The following PARP11 variants were observed in gnomAD, a reference collection of about 807,000 sequenced individuals.
PARP11 encodes the protein protein mono-ADP-ribosyltransferase PARP11.
In PARP11, 31 loss-of-function variants were observed where a neutral mutation model predicts 42.9. The observed-to-expected ratio is 0.72, with a 90% CI of 0.54 to 0.98. The LOEUF (loss-of-function observed/expected upper bound fraction) is 0.98. Among genes scored for constraint, PARP11 ranks in the 50% least tolerant of loss-of-function variants. The probability of loss-of-function intolerance (pLI) is 0.00; values close to 1 mark genes in which losing one functional copy is unlikely to be tolerated. For missense variants in PARP11, 365 were observed against 413.1 expected (o/e 0.88, Z 1.01); for synonymous variants, 137 against 127.3 (o/e 1.08, Z -0.51).
intron 7 of PARP11, among the ~76,000 whole-genome samples, chr12:3,812,881 C>T (rs1947212756): frequency 1.3e-5 from 2 of 152,188 alleles, no homozygotes; most frequent in Non-Finnish European, 1.5e-5. Flanking sequence ...CAGCTCACTG[C>T]AACCTCCGCC....
intron 1 of PARP11, chr12:3,872,814 C>T (rs1328683548): frequency 1.0e-6 from 1 of 985,136 alleles, no homozygotes; most frequent in Admixed American, 6.2e-5. Flanking sequence ...ACAGTGAAGG[C>T]AGTCGGGAGG....
At chr12:3,813,832 T>C (rs1947230015) in intron 7 of PARP11, among the ~76,000 whole-genome samples, 1 of 152,252 alleles carries the variant, frequency 6.6e-6, no homozygotes, top group Non-Finnish European at 1.5e-5. Flanking sequence ...TATTGCTCAC[T>C]AATATTCTTA....
At chr12:3,842,101 C>G in intron 1 of PARP11, 1 of 1,609,794 alleles carries the variant, frequency 6.2e-7, no homozygotes, top group Non-Finnish European at 8.5e-7. Flanking sequence ...GAAATTGTGC[C>G]TGTTGAACTT....
chr12:3,846,923 C>G (rs1486177465), intron 1 of PARP11, among the ~76,000 whole-genome samples: 1 of 151,716 alleles, frequency 6.6e-6, no homozygotes, highest in East Asian at 1.9e-4. Flanking sequence ...TGTCTCTGCA[C>G]AAAATTTAAA....
intron 1 of PARP11, among the ~76,000 whole-genome samples, chr12:3,836,353 T>A (rs1294301010): frequency 2.0e-5 from 3 of 151,518 alleles, no homozygotes; most frequent in Admixed American, 1.3e-4. Flanking sequence ...AAAGCGCCTA[T>A]CAACCAAGAA....
chr12:3,873,065 C>G, intron 1 of PARP11, 147 bp downstream of exon 1: 1 of 806,256 alleles, frequency 1.2e-6, no homozygotes, highest in Non-Finnish European at 2.1e-6. Flanking sequence ...GTACAGACTA[C>G]AGAAGCCAAA....
intron 6 of PARP11, among the ~76,000 whole-genome samples, chr12:3,819,196 G>A (rs758839073): frequency 7.9e-5 from 12 of 152,186 alleles, no homozygotes; most frequent in African/African-American, 2.4e-4. Flanking sequence ...TCACTCCATC[G>A]CATACAATAA....
chr12:3,827,512 T>A (rs1355810648), intron 3 of PARP11, among the ~76,000 whole-genome samples: 1 of 152,024 alleles, frequency 6.6e-6, no homozygotes, highest in Non-Finnish European at 1.5e-5. Flanking sequence ...CTTGTACACA[T>A]GACTAAAAAT....
At chr12:3,849,941 A>G (rs1375978197) in intron 1 of PARP11, among the ~76,000 whole-genome samples, 2 of 152,174 alleles carry the variant, frequency 1.3e-5, no homozygotes, top group African/African-American at 2.4e-5. Flanking sequence ...GAAAATATGT[A>G]TATCGATTAT....
At chr12:3,829,761 T>C in intron 2 of PARP11, 129 bp downstream of exon 2, 1 of 935,584 alleles carries the variant, frequency 1.1e-6, no homozygotes, top group Non-Finnish European at 1.6e-6. Context: ...AACTTTTCTT[T>C]TAGTTAAACA....
intron 1 of PARP11, 29 bp downstream of exon 1, chr12:3,873,183 G>C (rs1172446326): frequency 6.5e-7 from 1 of 1,532,920 alleles, no homozygotes; most frequent in Non-Finnish European, 8.8e-7. Flanking sequence ...CCGCCCCCTG[G>C]GCCCGCCCCG....
intron 1 of PARP11, among the ~76,000 whole-genome samples, chr12:3,834,141 C>T (rs1369868026): frequency 6.6e-6 from 1 of 152,170 alleles, no homozygotes; most frequent in Non-Finnish European, 1.5e-5. Flanking sequence ...GGGCTGCTAC[C>T]AGCACTCCAC....
Position 3,852,240 on chromosome 12 carries a change from C to T in PARP11, c.18+20972G>A, listed in dbSNP as rs376105042. 5.9e-5 allele frequency among the ~76,000 whole-genome samples: 9 copies of T among 152,322 alleles called. No homozygotes were observed. The South Asian group carries it at 8.3e-4, about 14-fold the overall frequency. ...GAGCACCTCTTCTCCTCCAAAGGAA[C>T]GCAGCTCCTTGCAAGCAACGGAACA... On this transcript the variant is annotated intron_variant, in intron 1 of 7. Transcript: ENST00000228820.
At chr12:3,813,972 T>C in intron 7 of PARP11, 65 bp downstream of exon 7, 1 of 1,203,428 alleles carries the variant, frequency 8.3e-7, no homozygotes, top group Non-Finnish European at 1.1e-6. Flanking sequence ...TTTATATTTA[T>C]ATTCCTCTAA....
intron 1 of PARP11, among the ~76,000 whole-genome samples, chr12:3,859,668 A>T (rs897624926): frequency 2.6e-5 from 4 of 152,184 alleles, no homozygotes; most frequent in Non-Finnish European, 4.4e-5. Flanking sequence ...TTTTCAGATT[A>T]GATTTTTTTG....
At chr12:3,842,346 T>C in intron 1 of PARP11, 6 of 1,611,528 alleles carry the variant, frequency 3.7e-6, no homozygotes, top group Non-Finnish European at 5.1e-6. Context: ...ATTGGGGCTA[T>C]TCTGGTAGGG....
chr12:3,846,714 G>C (rs1254995169), intron 1 of PARP11, among the ~76,000 whole-genome samples: 1 of 149,746 alleles, frequency 6.7e-6, no homozygotes, highest in African/African-American at 2.5e-5. Context: ...CCAAGATTGC[G>C]CCACTGCACT....
At chr12:3,838,723 G>GA (rs1008207045) in intron 1 of PARP11, among the ~76,000 whole-genome samples, 3 of 152,200 alleles carry the variant, frequency 2.0e-5, no homozygotes, top group African/African-American at 7.2e-5. Context: ...GCAAGGCTAA[G>GA]AAAAAAAGAG....
intron 3 of PARP11, among the ~76,000 whole-genome samples, chr12:3,828,318 G>T (rs1848619942): frequency 6.6e-6 from 1 of 152,120 alleles, no homozygotes; most frequent in Non-Finnish European, 1.5e-5. Flanking sequence ...GGAGGTGGAG[G>T]CGGGTGGATC....
Sources: allele counts gnomAD v4.1 joint callset (sites outside exome capture counted in the v4.1 genomes callset), GRCh38; gene constraint gnomAD v4.1.1; transcripts MANE v1.5; gene names NCBI Gene and HGNC (gene_info 2026-07-23, HGNC 2026-07-21).